DLC1: variants seen among roughly 807,000 people sequenced by gnomAD.
DLC1 encodes the protein DLC1 Rho GTPase activating protein.
DLC1 carries 54 observed loss-of-function variants against 140.3 expected under a neutral mutation model. That is an observed-to-expected ratio of 0.38 (90% confidence interval 0.31 to 0.48). The LOEUF is 0.48. DLC1 is among the 20% of genes least tolerant of loss of function. The pLI is 0.96. For missense variants in DLC1, 2,536 were observed against 1,907.0 expected (o/e 1.33, Z -6.14); for synonymous variants, 986 against 728.1 (o/e 1.35, Z -5.70).
At chr8:13,523,133 T>C (rs1472113653) in intron 1 of DLC1, among the ~76,000 whole-genome samples, 3 of 152,220 alleles carry the variant, frequency 2.0e-5, no homozygotes, top group Non-Finnish European at 4.4e-5. Context: ...CTTTACATTT[T>C]AATAAAATTA....
At chr8:13,291,519 C>A (rs1031181020) in intron 5 of DLC1, among the ~76,000 whole-genome samples, 10 of 151,946 alleles carry the variant, frequency 6.6e-5, no homozygotes, top group African/African-American at 2.4e-4. Flanking sequence ...AAAATCAAAC[C>A]CTGTCCACTT....
intron 5 of DLC1, chr8:13,133,432 C>A: frequency 2.1e-6 from 1 of 468,182 alleles, no homozygotes; most frequent in Non-Finnish European, 2.8e-6. Flanking sequence ...CGCCCCATTC[C>A]CAGGCTCCGC....
chr8:13,314,197 A>T (rs6999367), intron 4 of DLC1, among the ~76,000 whole-genome samples: 10,971 of 148,502 alleles, frequency 0.074, 485 homozygotes, highest in South Asian at 0.13. Context: ...TCATATAATT[A>T]TACATATAAT....
At chr8:13,536,127 C>T (rs1003021810) in intron 1 of DLC1, 1 of 152,188 alleles carries the variant, frequency 6.6e-6, no homozygotes, top group Non-Finnish European at 1.5e-5. Flanking sequence ...GAATGGTGAA[C>T]AGCAGCTCCC....
intron 1 of DLC1, among the ~76,000 whole-genome samples, chr8:13,594,764 T>C (rs905556347): frequency 1.3e-5 from 2 of 151,994 alleles, no homozygotes; most frequent in Non-Finnish European, 2.9e-5. Flanking sequence ...ATACCCATAT[T>C]TACAATATGG....
intron 2 of DLC1, among the ~76,000 whole-genome samples, chr8:13,417,761 T>A (rs932780742): frequency 5.9e-5 from 9 of 152,110 alleles, no homozygotes; most frequent in African/African-American, 2.2e-4. Flanking sequence ...GTATTTCTAG[T>A]TCTAGATCCC....
intron 2 of DLC1, among the ~76,000 whole-genome samples, chr8:13,439,068 T>C (rs1218188238): frequency 6.6e-6 from 1 of 152,230 alleles, no homozygotes; most frequent in Non-Finnish European, 1.5e-5. Context: ...GGCTCATGCC[T>C]GTAATCCCAA....
At chr8:13,280,550 T>A (rs1383461723) in intron 5 of DLC1, among the ~76,000 whole-genome samples, 2 of 152,182 alleles carry the variant, frequency 1.3e-5, no homozygotes, top group Non-Finnish European at 2.9e-5. Context: ...GTATTATTGA[T>A]TTAATGTAAT....
At chr8:13,137,129 G>A (rs980945433) in intron 5 of DLC1, among the ~76,000 whole-genome samples, 59 of 152,086 alleles carry the variant, frequency 3.9e-4, no homozygotes, top group Non-Finnish European at 1.8e-4. Context: ...CTTTACAAGC[G>A]GGGGAAGGAA....
At chr8:13,138,619 T>C (rs536068002) in intron 5 of DLC1, among the ~76,000 whole-genome samples, 1 of 152,260 alleles carries the variant, frequency 6.6e-6, no homozygotes, top group Non-Finnish European at 1.5e-5. Flanking sequence ...CGACAAAGAA[T>C]AGAATGTTTT....
chr8:13,245,324 C>T (rs1330485819), intron 5 of DLC1, among the ~76,000 whole-genome samples: 1 of 152,156 alleles, frequency 6.6e-6, no homozygotes, highest in African/African-American at 2.4e-5. Flanking sequence ...GCCTTTGAAA[C>T]TCTCCTGGCC....
At chr8:13,497,370 C>G (rs1042702263) in intron 2 of DLC1, among the ~76,000 whole-genome samples, 4 of 152,142 alleles carry the variant, frequency 2.6e-5, no homozygotes, top group African/African-American at 9.7e-5. Context: ...TAAAAGTTTT[C>G]ATTTAATCTA....
chr8:13,343,796 G>T (rs1301831902), intron 4 of DLC1, among the ~76,000 whole-genome samples: 1 of 152,140 alleles, frequency 6.6e-6, no homozygotes, highest in Non-Finnish European at 1.5e-5. Context: ...TCAATTGATG[G>T]AAATGTGATC....
intron 4 of DLC1, among the ~76,000 whole-genome samples, chr8:13,355,225 C>T (rs4831409): frequency 6.6e-6 from 1 of 151,898 alleles, no homozygotes; most frequent in Admixed American, 6.6e-5. Flanking sequence ...GGGATTCACA[C>T]CTGTAATCCC....
At chr8:13,350,718 A>T (rs1454960) in intron 4 of DLC1, among the ~76,000 whole-genome samples, 148,805 of 152,080 alleles carry the variant, frequency 0.98, 72,886 homozygotes, top group Non-Finnish European at 1. Flanking sequence ...TCGATCTTAA[A>T]AAATAAATAA....
intron 5 of DLC1, among the ~76,000 whole-genome samples, chr8:13,229,941 T>C (rs1418892558): frequency 2.0e-5 from 3 of 152,206 alleles, no homozygotes; most frequent in Non-Finnish European, 4.4e-5. Context: ...GCCCAAAGCT[T>C]TGATGTTGTC....
At position 13,499,813 on chromosome 8, in the gene DLC1, C is replaced by A. The variant is rs75294096; in HGVS notation, c.259G>T (p.Glu87Ter). ...TCTTCACCTTCATGGCTGTCATTTTCGTCCACATCCTTTGAAAGATGACCC... is the reference window on the plus strand; with the variant it reads ...TCTTCACCTTCATGGCTGTCATTTTAGTCCACATCCTTTGAAAGATGACCC... ...PMGHLSKDVD[E>*]NDSHEGEDQF... Residue 87 changes from glutamate to a stop codon, truncating the protein, a stop_gained, in exon 2 of 18, where the codon GAA becomes TAA. Transcript: ENST00000276297. LOFTEE classifies it high-confidence loss of function. The A allele has an allele frequency of 6.2e-7, 1 of 1,613,890 alleles. No individual in the cohort carries two copies. The highest frequency in any genetic ancestry group is 1.3e-5 in the African/African-American group (1 of 74,924).
chr8:13,171,295 T>C (rs1170246928), intron 5 of DLC1, among the ~76,000 whole-genome samples: 1 of 152,230 alleles, frequency 6.6e-6, no homozygotes, highest in East Asian at 1.9e-4. Flanking sequence ...TTTGTTCTTA[T>C]TCTCAACTCA....
intron 2 of DLC1, among the ~76,000 whole-genome samples, chr8:13,409,526 T>C (rs1341908563): frequency 6.6e-6 from 1 of 152,174 alleles, no homozygotes; most frequent in Non-Finnish European, 1.5e-5. Context: ...AAGACAATAT[T>C]GCATTGGACC....
Sources: gnomAD v4.1 joint callset for allele counts (sites outside exome capture counted in the v4.1 genomes callset) on GRCh38, gnomAD v4.1.1 for gene constraint, MANE v1.5 for transcripts, NCBI Gene and HGNC (gene_info 2026-07-23, HGNC 2026-07-21) for gene names.